ZNF727: variants seen among roughly 807,000 people sequenced by gnomAD.
ZNF727 encodes the protein putative zinc finger protein 727.
In ZNF727, 11 loss-of-function variants were observed where a neutral mutation model predicts 11.5. The observed-to-expected ratio is 0.95, with a 90% CI of 0.60 to 1.58. The LOEUF is 1.58. ZNF727 is among the 40% of genes most tolerant of loss of function. The pLI is 0.00. For synonymous variants in ZNF727, 171 were observed against 196.1 expected, an observed-to-expected ratio of 0.87 and a Z score of 1.07; for missense variants, 533 against 581.7, an observed-to-expected ratio of 0.92 and a Z score of 0.86.
intron 1 of ZNF727, among the ~76,000 whole-genome samples, chr7:64,061,905 T>C (rs1268126540): frequency 6.6e-6 from 1 of 151,976 alleles, no homozygotes; most frequent in Non-Finnish European, 1.5e-5. Flanking sequence ...GGCTTGCAAA[T>C]AACATCTTAT....
At chr7:64,047,491 A>G (rs188926191) in intron 1 of ZNF727, among the ~76,000 whole-genome samples, 3 of 152,234 alleles carry the variant, frequency 2.0e-5, no homozygotes, top group African/African-American at 7.2e-5. Flanking sequence ...GATCCTTTGC[A>G]GGGTGATGTG....
chr7:64,050,044 A>G (rs1789566254), intron 1 of ZNF727, among the ~76,000 whole-genome samples: 1 of 151,944 alleles, frequency 6.6e-6, no homozygotes, highest in Non-Finnish European at 1.5e-5. Flanking sequence ...TATAAAAGCA[A>G]TAAACTTTCT....
rs1050537011 is a variant in ZNF727 at position 64,084,710 on chromosome 7, G to T, written c.*6161G>T. Among the ~76,000 whole-genome samples, 2 of 152,006 alleles carry T rather than the reference G, an allele frequency of 1.3e-5. No individual in the cohort carries two copies. The highest frequency in any genetic ancestry group is 2.9e-5 in the Non-Finnish European group (2 of 67,990). On this transcript the variant is annotated 3_prime_UTR_variant, in exon 4 of 4. Coordinates refer to ENST00000456806, the MANE Select transcript of ZNF727 (RefSeq NM_001159522.3). ...TTCTGTTGAAAATATGACTTCTCTCGTCTGCTAAACACGTACAGACCTTTA... is the reference window on the plus strand; with the variant it reads ...TTCTGTTGAAAATATGACTTCTCTCTTCTGCTAAACACGTACAGACCTTTA...
At chr7:64,052,668 G>A (rs950913149) in intron 1 of ZNF727, among the ~76,000 whole-genome samples, 1 of 152,174 alleles carries the variant, frequency 6.6e-6, no homozygotes, top group African/African-American at 2.4e-5. Flanking sequence ...AGCTTGCACC[G>A]TGCACCTGGA....
chr7:64,078,305 T>C lies in ZNF727; in HGVS notation c.1256T>C (p.Met419Thr), dbSNP rs1785722484. Residue 419 changes from methionine (M) to threonine (T), a missense_variant, in exon 4 of 4, where the codon ATG (methionine) becomes ACG (threonine). By Grantham distance (81) the Met-to-Thr change is moderately conservative. This residue lies in a region of ZNF727 where 463 missense variants were observed against 494.5 expected (regional missense o/e 0.94). Transcript: ENST00000456806. ...SNLIKHKRIH[M>T]EVRPYKCEEC... ...CTTATTAAACACAAGAGAATTCATATGGAAGTGAGACCTTACAAATGTGAA... is the reference window on the plus strand; with the variant it reads ...CTTATTAAACACAAGAGAATTCATACGGAAGTGAGACCTTACAAATGTGAA... 2 of 1,580,730 alleles carry C rather than the reference T, an allele frequency of 1.3e-6. No homozygotes were observed. The highest frequency in any genetic ancestry group is 1.4e-5 in the African/African-American group (1 of 73,210).
At chr7:64,057,616 T>C (rs1789706114) in intron 1 of ZNF727, among the ~76,000 whole-genome samples, 2 of 152,098 alleles carry the variant, frequency 1.3e-5, no homozygotes, top group African/African-American at 4.8e-5. Context: ...ACCTGGGTGA[T>C]GGGTTGATCT....
At chr7:64,062,409 A>G (rs1388904624) in intron 1 of ZNF727, among the ~76,000 whole-genome samples, 9 of 151,868 alleles carry the variant, frequency 5.9e-5, no homozygotes, top group African/African-American at 1.7e-4. Flanking sequence ...AGTTTTTTTA[A>G]TGGTTGAAGG....
chr7:64,079,566 A>G lies in ZNF727; in HGVS notation c.*1017A>G, dbSNP rs1785751096. On this transcript the variant is annotated 3_prime_UTR_variant, in exon 4 of 4. Transcript: ENST00000456806. ...AGACTTTTCCCTTTATTTTGAGCTT[A>G]TTTGAAATGGGTATCTCAATTACAG... 6.6e-6 allele frequency among the ~76,000 whole-genome samples: 1 copy of G among 152,094 alleles called. No individual in the cohort carries two copies. Among genetic ancestry groups the G allele is most frequent in the Non-Finnish European group, 1.5e-5 (1 of 67,996 alleles).
Position 64,045,589 on chromosome 7 carries a change from AG to A in ZNF727, c.-30del, listed in dbSNP as rs755566318. ...GACCTGCAGGTACTGGGAGATCCAT[AG>A]GGAAGAAGGCGGAACATCCGGAGGC... On this transcript the variant is annotated 5_prime_UTR_variant, in exon 1 of 4. Coordinates refer to ENST00000456806, the MANE Select transcript of ZNF727 (RefSeq NM_001159522.3). The A allele has an allele frequency of 4.5e-6, 7 of 1,553,972 alleles. No individual in the cohort carries two copies. Among genetic ancestry groups the A allele is most frequent in the Non-Finnish European group, 6.1e-6 (7 of 1,148,246 alleles).
At chr7:64,052,434 C>T (rs1789615367) in intron 1 of ZNF727, among the ~76,000 whole-genome samples, 1 of 147,306 alleles carries the variant, frequency 6.8e-6, no homozygotes, top group East Asian at 2.0e-4. Flanking sequence ...TGACTTGCTC[C>T]TTCTTGCCTT....
chr7:64,075,076 T>C (rs1299814098), intron 3 of ZNF727, among the ~76,000 whole-genome samples: 2 of 152,134 alleles, frequency 1.3e-5, no homozygotes, highest in Non-Finnish European at 2.9e-5. Context: ...GCACACCATA[T>C]ATTAAAATCT....
intron 1 of ZNF727, among the ~76,000 whole-genome samples, chr7:64,054,080 G>A (rs1789644773): frequency 2.0e-5 from 3 of 152,200 alleles, no homozygotes; most frequent in Admixed American, 6.5e-5. Context: ...CAGATGTACA[G>A]CAGGAATTAG....
chr7:64,048,886 A>T (rs539848399), intron 1 of ZNF727, among the ~76,000 whole-genome samples: 3 of 152,192 alleles, frequency 2.0e-5, no homozygotes, highest in African/African-American at 7.2e-5. Context: ...TTCAAACAGA[A>T]TCTTCATCTA....
intron 1 of ZNF727, among the ~76,000 whole-genome samples, chr7:64,054,047 T>TG (rs1310738484): frequency 6.6e-6 from 1 of 152,198 alleles, no homozygotes; most frequent in Non-Finnish European, 1.5e-5. Flanking sequence ...AACCATGAGC[T>TG]GCCAGGCTCT....
intron 1 of ZNF727, among the ~76,000 whole-genome samples, chr7:64,051,312 A>G (rs1789594748): frequency 6.6e-6 from 1 of 152,208 alleles, no homozygotes; most frequent in Admixed American, 6.5e-5. Flanking sequence ...TAGCTCTGGT[A>G]TAATCAAAAC....
chr7:64,077,454 ATGTT>A lies in ZNF727; in HGVS notation c.409_412del (p.Leu137GlnfsTer228), dbSNP rs770623896. On this transcript the variant is annotated frameshift_variant, in exon 4 of 4. Transcript: ENST00000456806. LOFTEE classifies it low-confidence loss of function (END_TRUNC). ...AAAGCAGTTATAATGGCATTCATCA[ATGTT>A]TGTCAGCTACCCGTAGCAAAACCTG... 206 of 1,551,926 alleles carry A rather than the reference ATGTT, an allele frequency of 1.3e-4. No individual in the cohort carries two copies. Among genetic ancestry groups the A allele is most frequent in the Middle Eastern group, 8.3e-4 (5 of 5,990 alleles).
At position 64,078,183 on chromosome 7, in the gene ZNF727, G is replaced by A. The variant is rs552656694; in HGVS notation, c.1134G>A (p.Lys378=). 5 of 1,597,074 alleles carry A rather than the reference G, an allele frequency of 3.1e-6. No individual in the cohort carries two copies. In the Admixed American group the frequency reaches 8.7e-5, roughly 28 times the overall value. ...YKCEECGKTF[K]WFSDLTNHKR... ...GTGAAGAATGTGGCAAAACCTTTAA[G>A]TGGTTCTCAGACCTGACTAATCATA... Residue 378 remains lysine (K), a synonymous_variant, in exon 4 of 4, where the codon AAG becomes AAA. Transcript: ENST00000456806.
At chr7:64,063,702 C>A (rs1296553684) in intron 1 of ZNF727, among the ~76,000 whole-genome samples, 1 of 152,138 alleles carries the variant, frequency 6.6e-6, no homozygotes, top group Non-Finnish European at 1.5e-5. Context: ...ATATCCTTTC[C>A]TTCAGGGCAG....
At chr7:64,047,932 T>C (rs1328724495) in intron 1 of ZNF727, among the ~76,000 whole-genome samples, 1 of 152,176 alleles carries the variant, frequency 6.6e-6, no homozygotes, top group Non-Finnish European at 1.5e-5. Flanking sequence ...CGTGTATAAA[T>C]TTGCAAAGCA....
Sources: allele counts gnomAD v4.1 joint callset (sites outside exome capture counted in the v4.1 genomes callset), GRCh38; gene constraint gnomAD v4.1.1; regional missense constraint gnomAD v4.1.1; transcripts MANE v1.5; gene names NCBI Gene and HGNC (gene_info 2026-07-23, HGNC 2026-07-21).